The following ATP2A3 variants were observed in gnomAD, a reference collection of about 807,000 sequenced individuals.
ATP2A3 encodes the protein ATPase sarcoplasmic/endoplasmic reticulum Ca2+ transporting 3, also known as sarcoplasmic/endoplasmic reticulum calcium ATPase 3.
A neutral mutation model predicts 106.8 loss-of-function variants in ATP2A3; 61 were observed. That is an observed-to-expected ratio of 0.57 (90% confidence interval 0.46 to 0.71). The LOEUF (loss-of-function observed/expected upper bound fraction) is 0.71, where lower values mean the gene tolerates loss of function less well. ATP2A3 is among the 30% of genes least tolerant of loss of function. The pLI is 0.00. For synonymous variants in ATP2A3, 611 were observed against 609.3 expected, an observed-to-expected ratio of 1.00 and a Z score of -0.04; for missense variants, 1,201 against 1,423.5, an observed-to-expected ratio of 0.84 and a Z score of 2.52.
At chr17:3,939,325 G>A (rs1212150453) in intron 14 of ATP2A3, among the ~76,000 whole-genome samples, 1 of 152,132 alleles carries the variant, frequency 6.6e-6, no homozygotes, top group Non-Finnish European at 1.5e-5. Flanking sequence ...TAAGGACTGG[G>A]TTAGGCTGGA....
chr17:3,941,205 GA>G lies in ATP2A3; in HGVS notation c.1865del (p.Val622AlafsTer2). 6.2e-7 allele frequency: 1 copy of G among 1,614,114 alleles called. No individual in the cohort carries two copies. The highest frequency in any genetic ancestry group is 8.5e-7 in the Non-Finnish European group (1 of 1,180,024). On this transcript the variant is annotated frameshift_variant, in exon 14 of 21. Coordinates refer to ENST00000397041, the MANE Select transcript of ATP2A3 (RefSeq NM_005173.4). LOFTEE classifies it high-confidence loss of function. ...TRCYQAGIRVVMITGDNKGTA... is the reference protein window; with the variant it reads ...TRCYQAGIRVXMITGDNKGTA... ...TGCCTTTGTTATCCCCCGTGATCATGACCACGCGGATGCCCGCCTGGTAGCA... is the reference window on the plus strand; with the variant it reads ...TGCCTTTGTTATCCCCCGTGATCATGCCACGCGGATGCCCGCCTGGTAGCA...
chr17:3,950,702 T>C lies in ATP2A3; in HGVS notation c.535A>G (p.Ile179Val). ...CTGGGGGGGGCCTCACCCGTCAGGA[T>C]GGACTGGTCCACTCGCAGCGTGGTG... The part of the protein sequence containing the change: ...KSTTLRVDQS[I>V]LTGESVSVTK... The change falls in exon 6 of 21, where the codon ATC (isoleucine) becomes GTC (valine). Residue 179 changes from isoleucine (I) to valine (V), a missense_variant. This residue lies in a region of ATP2A3 where 935 missense variants were observed against 1,176.7 expected (regional missense o/e 0.79). Transcript: ENST00000397041. 1 of 1,613,938 alleles carries C rather than the reference T, an allele frequency of 6.2e-7. No homozygotes were observed. The highest frequency in any genetic ancestry group is 8.5e-7 in the Non-Finnish European group (1 of 1,179,990).
rs2052915055 is a variant in ATP2A3 at position 3,929,413 on chromosome 17, G to A, written c.2777C>T (p.Pro926Leu). 1 of 1,592,070 alleles carries A rather than the reference G, an allele frequency of 6.3e-7. No individual in the cohort carries two copies. The highest frequency in any genetic ancestry group is 8.5e-7 in the Non-Finnish European group (1 of 1,170,332). Reference sequence around the variant, plus strand: ...CAGCAGCCAGGGGTTCATCCAGGGCGGCATCCGCAGCAGCGACTGGTTCTC... The same window carrying A: ...CAGCAGCCAGGGGTTCATCCAGGGCAGCATCCGCAGCAGCGACTGGTTCTC... The part of the protein sequence containing the change: ...VSENQSLLRM[P>L]PWMNPWLLVA... The change falls in exon 19 of 21, where the codon CCG becomes CTG. Residue 926 changes from proline to leucine, a missense_variant. Pro to Leu is a moderately conservative substitution (Grantham distance 98). This residue lies in a region of ATP2A3 where 935 missense variants were observed against 1,176.7 expected (regional missense o/e 0.79). Coordinates refer to ENST00000397041, the MANE Select transcript of ATP2A3 (RefSeq NM_005173.4). This position sits in a 1 kb window ranked among gnomAD's most constrained non-coding sequence, Gnocchi z 4.3.
At chr17:3,934,932 A>G (rs2053341271) in intron 17 of ATP2A3, 2 of 510,324 alleles carry the variant, frequency 3.9e-6, no homozygotes, top group East Asian at 3.5e-5. Flanking sequence ...GACAAAGGTA[A>G]GATACATCTG....
chr17:3,931,432 G>A (rs1260592894), intron 17 of ATP2A3, among the ~76,000 whole-genome samples: 1 of 152,116 alleles, frequency 6.6e-6, no homozygotes, highest in Admixed American at 6.5e-5. Context: ...ATAGGGATGA[G>A]GGTGAATGTT....
intron 17 of ATP2A3, among the ~76,000 whole-genome samples, chr17:3,931,069 G>A (rs1421103016): frequency 1.3e-5 from 2 of 151,864 alleles, no homozygotes; most frequent in South Asian, 2.1e-4. Flanking sequence ...GAACCCGGGG[G>A]TCAGAGGTTG....
chr17:3,934,908 T>C (rs1411496535), intron 17 of ATP2A3: 1 of 441,002 alleles, frequency 2.3e-6, no homozygotes, highest in Non-Finnish European at 4.2e-6. Context: ...GCCTCAACGT[T>C]TTAGGGGTCC....
chr17:3,936,373 A>G lies in ATP2A3; in HGVS notation c.2418T>C (p.Ala806=), dbSNP rs1340520848. 1 of 1,613,866 alleles carries G rather than the reference A, an allele frequency of 6.2e-7. No homozygotes were observed. The highest frequency in any genetic ancestry group is 8.5e-7 in the Non-Finnish European group (1 of 1,179,994). The part of the protein sequence containing the change: ...NLVTDGLPAT[A]LGFNPPDLDI... ...CCAGGTCTGGCGGGTTGAAGCCCAG[A>G]GCCGTGGCAGGTAGGCCGTCTGTCA... The change falls in exon 16 of 21, where the codon GCT becomes GCC. Residue 806 remains alanine, a synonymous_variant. Transcript: ENST00000397041. This position sits in a 1 kb window ranked among gnomAD's most constrained non-coding sequence, Gnocchi z 5.4.
At chr17:3,927,721 G>A (rs1234478713) in intron 20 of ATP2A3, 16 of 956,896 alleles carry the variant, frequency 1.7e-5, no homozygotes, top group Admixed American at 9.9e-5. Flanking sequence ...CTGCACCCTC[G>A]AGTGAGCCCC....
Position 3,947,959 on chromosome 17 carries a change from C to T in ATP2A3, c.631-104G>A, listed in dbSNP as rs575451910. Reference sequence around the variant, plus strand: ...ATAAGGCACTTATCCTTCTACCCGGCTTTCCTTTTCTCCATGTTGCTAGTG... The same window carrying T: ...ATAAGGCACTTATCCTTCTACCCGGTTTTCCTTTTCTCCATGTTGCTAGTG... On this transcript the variant is annotated intron_variant, in intron 7 of 20. Coordinates refer to ENST00000397041, the MANE Select transcript of ATP2A3 (RefSeq NM_005173.4). The surrounding 1 kb of genome is among the most constrained non-coding windows in gnomAD (Gnocchi z 7.7). The T allele has an allele frequency of 5.2e-5, 60 of 1,152,538 alleles. No individual in the cohort carries two copies. In the South Asian group the frequency reaches 7.9e-4, roughly 15 times the overall value. The allele number at this position is 1,152,538 out of a possible 1,614,324, so 71.4% of individuals were successfully genotyped here.
chr17:3,933,886 T>C (rs2053265497), intron 17 of ATP2A3, among the ~76,000 whole-genome samples: 1 of 151,528 alleles, frequency 6.6e-6, no homozygotes, highest in African/African-American at 2.4e-5. Context: ...CTATTCCCTG[T>C]GTCCTGCAAG....
intron 4 of ATP2A3, 31 bp downstream of exon 4, chr17:3,951,550 C>CCCCCCG: frequency 7.8e-7 from 1 of 1,290,316 alleles, no homozygotes; most frequent in Non-Finnish European, 1.1e-6. Context: ...GAGACCGCCC[C>CCCCCCG]CCGCCCGGTC....
In ATP2A3 at chr17:3,924,583, C is replaced by T. The variant is rs41283377; in HGVS notation, c.*839G>A. 5 of 351,384 alleles carry T rather than the reference C, an allele frequency of 1.4e-5. No homozygotes were observed. The highest frequency in any genetic ancestry group is 8.1e-5 in the East Asian group (1 of 12,314). The allele number at this position is 351,384 out of a possible 1,614,324, so 21.8% of individuals were successfully genotyped here. On this transcript the variant is annotated 3_prime_UTR_variant, in exon 21 of 21. Transcript: ENST00000397041. The surrounding 1 kb of genome is among the most constrained non-coding windows in gnomAD (Gnocchi z 6.4). ...TGTCGGTGGTCTCAGGTACCAGGGACGCGGGTGGCAAGTTGGACCTCTGCG... is the reference window on the plus strand; with the variant it reads ...TGTCGGTGGTCTCAGGTACCAGGGATGCGGGTGGCAAGTTGGACCTCTGCG...
intron 17 of ATP2A3, among the ~76,000 whole-genome samples, chr17:3,931,553 G>A (rs1294188380): frequency 1.4e-5 from 2 of 146,280 alleles, no homozygotes; most frequent in Admixed American, 7.0e-5. Flanking sequence ...ACAGAGTCTC[G>A]CTCTGTCACC....
intron 17 of ATP2A3, among the ~76,000 whole-genome samples, chr17:3,934,425 G>A (rs2053303231): frequency 6.6e-6 from 1 of 151,638 alleles, no homozygotes; most frequent in Admixed American, 6.6e-5. Flanking sequence ...TCACTGTATT[G>A]CCCAGGCTGG....
intron 3 of ATP2A3, 139 bp from the exon 4 acceptor site, chr17:3,951,824 A>G: frequency 1.1e-6 from 1 of 893,528 alleles, no homozygotes; most frequent in East Asian, 2.7e-5. Flanking sequence ...GGAGAGGGCC[A>G]CTCCTCCGAG....
chr17:3,925,348 TG>T lies in ATP2A3; in HGVS notation c.*73del. On this transcript the variant is annotated 3_prime_UTR_variant, in exon 21 of 21. Transcript: ENST00000397041. This position sits in a 1 kb window ranked among gnomAD's most constrained non-coding sequence, Gnocchi z 4.2. ...AAGTGGGCGAGTGTGGTGGCAAGGG[TG>T]GGGGGCGGAGGCGAACACATGGGCA... The T allele has an allele frequency of 6.2e-7, 1 of 1,611,492 alleles. No individual in the cohort carries two copies. The highest frequency in any genetic ancestry group is 8.5e-7 in the Non-Finnish European group (1 of 1,179,044).
In ATP2A3 at chr17:3,951,544, C is replaced by A. The variant is rs776624535; in HGVS notation, c.324+37G>T. On this transcript the variant is annotated intron_variant, in intron 4 of 20. Coordinates refer to ENST00000397041, the MANE Select transcript of ATP2A3 (RefSeq NM_005173.4). ...GAGGGCACTCCTAGTGGCTGGGAGA[C>A]CGCCCCCCGCCCGGTCCCACCCCCA... 276 of 1,316,946 alleles carry A rather than the reference C, an allele frequency of 2.1e-4. 2 individuals are homozygous for A. Among genetic ancestry groups the A allele is most frequent in the Non-Finnish European group, 2.8e-4 (268 of 972,402 alleles). 81.6% of individuals were successfully genotyped at this position (1,316,946 alleles called of 1,614,324 possible).
At chr17:3,935,312 G>T in intron 16 of ATP2A3, 35 bp from the exon 17 acceptor site, 1 of 1,594,400 alleles carries the variant, frequency 6.3e-7, no homozygotes, top group Non-Finnish European at 8.6e-7. Flanking sequence ...TGTAGAGAAT[G>T]GCGGTGGTTT....
Sources: allele counts gnomAD v4.1 joint callset (sites outside exome capture counted in the v4.1 genomes callset), GRCh38; gene constraint gnomAD v4.1.1; regional missense constraint gnomAD v4.1.1; non-coding constraint Gnocchi (gnomAD v3.1); transcripts MANE v1.5; gene names NCBI Gene and HGNC (gene_info 2026-07-23, HGNC 2026-07-21).